MRPL42: variants seen among roughly 807,000 people sequenced by gnomAD.
MRPL42 encodes the protein mitochondrial ribosomal protein L42, also known as large ribosomal subunit protein mL42.
A neutral mutation model predicts 17.9 loss-of-function variants in MRPL42; 17 were observed. The ratio of observed to expected loss-of-function variants is 0.95; its 90% CI spans 0.65 to 1.42. MRPL42 has a LOEUF of 1.42. Ranked by LOEUF, MRPL42 falls within the 40% of genes most tolerant of loss-of-function variation. The pLI, the probability that MRPL42 is intolerant of heterozygous loss-of-function variation, is 0.00. For missense variants in MRPL42, 177 were observed against 175.2 expected, an observed-to-expected ratio of 1.01 and a Z score of -0.06; for synonymous variants, 59 against 54.4, an observed-to-expected ratio of 1.08 and a Z score of -0.37.
Position 93,505,056 on chromosome 12 carries a change from G to T in MRPL42, c.*3835G>T, listed in dbSNP as rs927030285. The T allele has an allele frequency of 5.3e-5, 8 of 152,178 alleles. No homozygotes were observed. Among genetic ancestry groups the T allele is most frequent in the African/African-American group, 1.7e-4 (7 of 41,432 alleles). 9.4% of individuals were successfully genotyped at this position (152,178 alleles called of 1,614,324 possible). ...GGGCATCTATGAAATTCCTGAAATT[G>T]TGTAGAATTTTGAGAATATGTGTTT... On this transcript the variant is annotated 3_prime_UTR_variant, in exon 6 of 6. Transcript: ENST00000549982.
intron 5 of MRPL42, among the ~76,000 whole-genome samples, chr12:93,492,413 T>G (rs535890772): frequency 1.6e-4 from 24 of 152,328 alleles, no homozygotes; most frequent in Middle Eastern, 6.8e-3. Context: ...GTTGGCTGCT[T>G]GTATGTCTTC....
At chr12:93,483,972 G>A (rs1880587354) in intron 4 of MRPL42, among the ~76,000 whole-genome samples, 1 of 151,856 alleles carries the variant, frequency 6.6e-6, no homozygotes, top group African/African-American at 2.4e-5. Context: ...CACAGTCTAG[G>A]CCCACACAGG....
At position 93,511,410 on chromosome 12, in the gene MRPL42, A is replaced by G. The variant is rs1192831740; in HGVS notation, c.*10189A>G. ...AACTTTAGATTGCTAAAACTAAAAA[A>G]TGCAATTAAGACAATAATCTTATAT... On this transcript the variant is annotated 3_prime_UTR_variant, in exon 6 of 6. Coordinates refer to ENST00000549982, the MANE Select transcript of MRPL42 (RefSeq NM_014050.4). The G allele has an allele frequency of 6.6e-6, 1 of 152,212 alleles. No homozygotes were observed. Among genetic ancestry groups the G allele is most frequent in the African/African-American group, 2.4e-5 (1 of 41,474 alleles). 9.4% of individuals were successfully genotyped at this position (152,212 alleles called of 1,614,324 possible). A position where few individuals can be genotyped will look rare whatever the true frequency, so the allele number is the denominator to read the frequency against.
intron 5 of MRPL42, among the ~76,000 whole-genome samples, chr12:93,494,677 T>G (rs1953463023): frequency 6.6e-6 from 1 of 152,106 alleles, no homozygotes; most frequent in South Asian, 2.1e-4. Flanking sequence ...CAGATGGATT[T>G]GGAAGTCATC....
At chr12:93,489,946 G>T (rs1232655605) in intron 5 of MRPL42, among the ~76,000 whole-genome samples, 1 of 152,174 alleles carries the variant, frequency 6.6e-6, no homozygotes, top group African/African-American at 2.4e-5. Flanking sequence ...CCATCTCATA[G>T]CCCTGTGCCT....
At chr12:93,499,388 T>C (rs548721530) in intron 5 of MRPL42, among the ~76,000 whole-genome samples, 1 of 152,176 alleles carries the variant, frequency 6.6e-6, no homozygotes, top group South Asian at 2.1e-4. Flanking sequence ...ATTCTGAAGG[T>C]CTCATACTTC....
At chr12:93,468,678 C>T (rs12423753) in intron 1 of MRPL42, among the ~76,000 whole-genome samples, 22,229 of 152,042 alleles carry the variant, frequency 0.15, 2,146 homozygotes, top group Non-Finnish European at 0.21. Context: ...TTATGAGTTC[C>T]TCCAATTGAG....
chr12:93,484,995 T>TACACATATATATATAC (rs1565813811), intron 4 of MRPL42, among the ~76,000 whole-genome samples: 2 of 60,834 alleles, frequency 3.3e-5, no homozygotes, highest in African/African-American at 9.8e-5. Flanking sequence ...TATATATATA[T>TACACATATATATATAC]ATATATATAT....
intron 5 of MRPL42, among the ~76,000 whole-genome samples, chr12:93,491,842 C>A (rs1222627386): frequency 4.6e-5 from 7 of 152,180 alleles, no homozygotes; most frequent in African/African-American, 1.7e-4. Context: ...GTGTTTGGCT[C>A]CCACTTACAC....
chr12:93,487,436 C>CA, intron 4 of MRPL42, 61 bp from the exon 5 acceptor site: 10 of 1,468,694 alleles, frequency 6.8e-6, no homozygotes, highest in Non-Finnish European at 7.5e-6. Flanking sequence ...ATTGTGATCT[C>CA]AAACAAATGC....
chr12:93,470,418 C>T lies in MRPL42; in HGVS notation c.70+1063C>T. On this transcript the variant is annotated intron_variant, in intron 2 of 5. Coordinates refer to ENST00000549982, the MANE Select transcript of MRPL42 (RefSeq NM_014050.4). ...TTCTAAAGTAGACATGTATAGAAGG[C>T]AACAGTAGGTTTGCCTTTTTATATT... 6 of 1,207,198 alleles carry T rather than the reference C, an allele frequency of 5.0e-6. No individual in the cohort carries two copies. In the South Asian group the frequency reaches 9.7e-5, roughly 20 times the overall value. The allele number at this position is 1,207,198 out of a possible 1,614,324, so 74.8% of individuals were successfully genotyped here. A position where few individuals can be genotyped will look rare whatever the true frequency, so the allele number is the denominator to read the frequency against.
intron 4 of MRPL42, 65 bp downstream of exon 4, chr12:93,479,537 G>C (rs985199046): frequency 4.9e-6 from 5 of 1,029,724 alleles, no homozygotes; most frequent in Non-Finnish European, 7.0e-6. Context: ...CTTCTTTATA[G>C]TATCCAAAAA....
intron 5 of MRPL42, among the ~76,000 whole-genome samples, chr12:93,491,334 A>G (rs1356914061): frequency 3.9e-5 from 6 of 152,224 alleles, no homozygotes; most frequent in Non-Finnish European, 7.3e-5. Context: ...AGGTTAACCT[A>G]CCTAGATGTT....
At chr12:93,486,626 C>T (rs1456332919) in intron 4 of MRPL42, among the ~76,000 whole-genome samples, 2 of 152,138 alleles carry the variant, frequency 1.3e-5, no homozygotes, top group African/African-American at 4.8e-5. Context: ...GCGTGAGCCA[C>T]CGCACCCGGC....
intron 2 of MRPL42, among the ~76,000 whole-genome samples, chr12:93,474,752 C>A (rs1880079101): frequency 6.6e-6 from 1 of 151,500 alleles, no homozygotes; most frequent in African/African-American, 2.4e-5. Flanking sequence ...TTAATATTAA[C>A]CCAATCCATG....
chr12:93,469,374 A>T lies in MRPL42; in HGVS notation c.70+19A>T, dbSNP rs751321962. 1 of 1,555,578 alleles carries T rather than the reference A, an allele frequency of 6.4e-7. No individual in the cohort carries two copies. Among genetic ancestry groups the T allele is most frequent in the Non-Finnish European group, 8.7e-7 (1 of 1,143,014 alleles). ...GTCCAAAGTAAGTGAAATTTTTTTTAATGTTTAAAAACTTTTAAACTTTTA... is the reference window on the plus strand; with the variant it reads ...GTCCAAAGTAAGTGAAATTTTTTTTTATGTTTAAAAACTTTTAAACTTTTA... On this transcript the variant is annotated intron_variant, in intron 2 of 5. Transcript: ENST00000549982.
rs1267815370 is a variant in MRPL42 at position 93,505,334 on chromosome 12, A to G, written c.*4113A>G. 2 of 152,200 alleles carry G rather than the reference A, an allele frequency of 1.3e-5. No homozygotes were observed. The highest frequency in any genetic ancestry group is 1.9e-4 in the East Asian group (1 of 5,198). The allele number at this position is 152,200 out of a possible 1,614,324, so 9.4% of individuals were successfully genotyped here. A position where few individuals can be genotyped will look rare whatever the true frequency, so the allele number is the denominator to read the frequency against. On this transcript the variant is annotated 3_prime_UTR_variant, in exon 6 of 6. Coordinates refer to ENST00000549982, the MANE Select transcript of MRPL42 (RefSeq NM_014050.4). ...GGCACTTCAGGTAAACCCTTACTCA[A>G]AGAATACTTTTTCAGTTTCAATGTG...
intron 3 of MRPL42, 95 bp downstream of exon 3, chr12:93,477,112 T>C: frequency 2.3e-6 from 2 of 884,492 alleles, no homozygotes; most frequent in South Asian, 3.4e-5. Context: ...TGCTTTCTTT[T>C]CTCATTATTC....
intron 5 of MRPL42, among the ~76,000 whole-genome samples, chr12:93,492,032 G>A (rs143278204): frequency 3.2e-4 from 49 of 152,270 alleles, no homozygotes; most frequent in African/African-American, 1.1e-3. Flanking sequence ...ACAGGCACCT[G>A]GATTGATTCC....
Sources: allele counts gnomAD v4.1 joint callset (sites outside exome capture counted in the v4.1 genomes callset), GRCh38; gene constraint gnomAD v4.1.1; transcripts MANE v1.5; gene names NCBI Gene and HGNC (gene_info 2026-07-23, HGNC 2026-07-21).